Variants in NOL4 observed in about 807,000 individuals in gnomAD.
NOL4 encodes the protein nucleolar protein 4, also known as cancer/testis antigen 125.
NOL4 carries 17 observed loss-of-function variants against 75.9 expected under a neutral mutation model. The ratio of observed to expected loss-of-function variants is 0.22; its 90% confidence interval spans 0.15 to 0.34. The LOEUF (loss-of-function observed/expected upper bound fraction) is 0.34. Among genes scored for constraint, NOL4 ranks in the 10% least tolerant of loss-of-function variants. The pLI, the probability that NOL4 is intolerant of heterozygous loss-of-function variation, is 1.00. For synonymous variants in NOL4, 292 were observed against 289.9 expected (o/e 1.01, Z -0.07); for missense variants, 614 against 793.5 (o/e 0.77, Z 2.72).
rs757018882 is a variant in NOL4, at chr18:33,943,189, A to G, written c.1429-11T>C. 4 of 1,588,832 alleles carry G rather than the reference A, an allele frequency of 2.5e-6. No individual in the cohort carries two copies. The highest frequency in any genetic ancestry group is 1.4e-5 in the African/African-American group (1 of 73,912). ...AGGAATAGGTCGAGACTAAAAAAAA[A>G]AAGAGAAAAGTATGAAAAAAATTAT... On this transcript the variant is annotated splice_polypyrimidine_tract_variant and intron_variant, in intron 8 of 10. Transcript: ENST00000261592.
intron 1 of NOL4, among the ~76,000 whole-genome samples, chr18:34,155,939 G>T (rs1402932140): frequency 6.6e-6 from 1 of 152,104 alleles, no homozygotes; most frequent in Non-Finnish European, 1.5e-5. Flanking sequence ...CAGGCTCAAA[G>T]AAAGCAAGAT....
chr18:34,004,970 A>T (rs1263369159), intron 6 of NOL4, among the ~76,000 whole-genome samples: 1 of 152,028 alleles, frequency 6.6e-6, no homozygotes, highest in African/African-American at 2.4e-5. Context: ...CCATTTCTGC[A>T]CTTTCAGGGC....
At chr18:34,108,089 C>G (rs567935192) in intron 2 of NOL4, among the ~76,000 whole-genome samples, 1 of 152,040 alleles carries the variant, frequency 6.6e-6, no homozygotes, top group Admixed American at 6.6e-5. Flanking sequence ...CCATTACACT[C>G]GAGGCACCAA....
intron 1 of NOL4, among the ~76,000 whole-genome samples, chr18:34,167,748 G>C (rs915140551): frequency 2.0e-5 from 3 of 152,008 alleles, no homozygotes; most frequent in Non-Finnish European, 4.4e-5. Flanking sequence ...GCCTATCTGA[G>C]AGCAATTTCC....
At chr18:34,171,287 T>C (rs1257171058) in intron 1 of NOL4, among the ~76,000 whole-genome samples, 1 of 152,164 alleles carries the variant, frequency 6.6e-6, no homozygotes, top group Admixed American at 6.5e-5. Context: ...TTTGTTGTTG[T>C]TTTTTGTTTT....
rs550889487 is a variant in NOL4, at chr18:34,141,222, T to C, written c.265-11202A>G. Among the ~76,000 whole-genome samples the C allele has an allele frequency of 1.5e-3, 229 of 152,264 alleles. 2 individuals carry two copies. Among genetic ancestry groups the C allele is most frequent in the African/African-American group, 5.3e-3 (219 of 41,548 alleles). The stretch of plus-strand genomic sequence containing the variant: ...TGGAAGAACATTCCATGCTCATGGA[T>C]AGGAAGAATCAATATCATGAAAATG... On this transcript the variant is annotated intron_variant, in intron 1 of 10. Transcript: ENST00000261592.
intron 9 of NOL4, among the ~76,000 whole-genome samples, chr18:33,913,798 C>T (rs990130724): frequency 6.6e-6 from 1 of 152,100 alleles, no homozygotes; most frequent in South Asian, 2.1e-4. Flanking sequence ...CTATGAGACA[C>T]ACAATAAACT....
intron 5 of NOL4, among the ~76,000 whole-genome samples, chr18:34,037,487 G>A (rs776409883): frequency 5.3e-5 from 8 of 152,018 alleles, no homozygotes; most frequent in Non-Finnish European, 1.2e-4. Context: ...CAAAGCTGGA[G>A]GTATCATACT....
chr18:33,853,035 C>A lies in NOL4; in HGVS notation c.1724G>T (p.Gly575Val). 6.3e-7 allele frequency: 1 copy of A among 1,584,304 alleles called. No individual in the cohort carries two copies. The highest frequency in any genetic ancestry group is 1.2e-5 in the South Asian group (1 of 86,706). The change falls in exon 11 of 11, where the codon GGA (glycine) becomes GTA (valine). Residue 575 changes from glycine to valine, a missense_variant and splice_region_variant. By Grantham distance (109) the Gly-to-Val change is moderately radical. Coordinates refer to ENST00000261592, the MANE Select transcript of NOL4 (RefSeq NM_003787.5). ...LLNLNDASSS[G>V]PTDLSMKRQL... ...TCTCTTCATGCTGAGATCAGTGGGT[C>A]CTAGAAAGAAAATCATCACAAAATT... is the stretch of plus-strand genomic sequence containing the variant.
At chr18:33,913,768 A>G (rs2066545463) in intron 9 of NOL4, among the ~76,000 whole-genome samples, 1 of 152,152 alleles carries the variant, frequency 6.6e-6, no homozygotes, top group African/African-American at 2.4e-5. Context: ...GAGCAAGTCA[A>G]AGGCTCCTTG....
intron 2 of NOL4, among the ~76,000 whole-genome samples, chr18:34,105,617 G>T (rs1271437095): frequency 6.6e-6 from 1 of 151,854 alleles, no homozygotes; most frequent in Non-Finnish European, 1.5e-5. Context: ...CTTCATTGTT[G>T]CTTTTCAAAA....
intron 5 of NOL4, among the ~76,000 whole-genome samples, chr18:34,051,335 T>A (rs2076616153): frequency 6.6e-6 from 1 of 152,064 alleles, no homozygotes; most frequent in Non-Finnish European, 1.5e-5. Context: ...AAAATGTAAA[T>A]CTGTCTACAT....
intron 5 of NOL4, among the ~76,000 whole-genome samples, chr18:34,036,064 T>C (rs1271839616): frequency 6.6e-6 from 1 of 151,980 alleles, no homozygotes. Flanking sequence ...GAAATAATAA[T>C]AATCCTCAAG....
intron 1 of NOL4, among the ~76,000 whole-genome samples, chr18:34,142,020 G>A (rs1187114798): frequency 6.6e-6 from 1 of 152,130 alleles, no homozygotes; most frequent in Admixed American, 6.6e-5. Flanking sequence ...AGTGGGCAAA[G>A]GACATGAACA....
Position 33,853,018 on chromosome 18 carries a change from T to C in NOL4, c.1741A>G (p.Met581Val). ...GAGCTAGTCGCCAATTGTCTCTTCA[T>C]GCTGAGATCAGTGGGTCCTAGAAAG... is the stretch of plus-strand genomic sequence containing the variant. ...ASSSGPTDLS[M>V]KRQLATSSGS... Residue 581 changes from methionine (M) to valine (V), a missense_variant, in exon 11 of 11, where the codon ATG (methionine) becomes GTG (valine). Coordinates refer to ENST00000261592, the MANE Select transcript of NOL4 (RefSeq NM_003787.5). 1 of 1,611,722 alleles carries C rather than the reference T, an allele frequency of 6.2e-7. No individual in the cohort carries two copies. The highest frequency in any genetic ancestry group is 1.1e-5 in the South Asian group (1 of 90,758).
intron 9 of NOL4, among the ~76,000 whole-genome samples, chr18:33,898,311 G>T (rs890501619): frequency 6.6e-6 from 1 of 152,138 alleles, no homozygotes; most frequent in Admixed American, 6.6e-5. Context: ...TCACATGGCA[G>T]ATATGGTTTC....
chr18:34,087,773 G>C (rs2078310832), intron 5 of NOL4, among the ~76,000 whole-genome samples: 1 of 151,580 alleles, frequency 6.6e-6, no homozygotes, highest in Non-Finnish European at 1.5e-5. Context: ...CCTAGCCTCT[G>C]AATATGCTTC....
intron 10 of NOL4, among the ~76,000 whole-genome samples, chr18:33,882,996 A>C (rs1293753527): frequency 6.6e-6 from 1 of 152,124 alleles, no homozygotes; most frequent in East Asian, 1.9e-4. Flanking sequence ...CATAGGTGGG[A>C]ATTGAACAAT....
At chr18:34,121,445 G>C (rs2145842181) in intron 2 of NOL4, 1 of 152,246 alleles carries the variant, frequency 6.6e-6, no homozygotes, top group East Asian at 1.9e-4. Flanking sequence ...TGGTCTGTGG[G>C]GAGCAAGCAT....
Sources: allele counts gnomAD v4.1 joint callset (sites outside exome capture counted in the v4.1 genomes callset), GRCh38; gene constraint gnomAD v4.1.1; transcripts MANE v1.5; gene names NCBI Gene and HGNC (gene_info 2026-07-23, HGNC 2026-07-21).